The following TRIM48 variants were observed in gnomAD, a reference collection of about 807,000 sequenced individuals.
TRIM48 encodes the protein E3 ubiquitin-protein ligase TRIM48.
In TRIM48, 31 loss-of-function variants were observed where a neutral mutation model predicts 29.5. The ratio of observed to expected loss-of-function variants is 1.05; its 90% CI spans 0.79 to 1.42. The LOEUF is 1.42. Among genes scored for constraint, TRIM48 ranks in the 40% most tolerant of loss-of-function variants. The pLI is 0.00. For missense variants in TRIM48, 344 were observed against 265.0 expected, an observed-to-expected ratio of 1.30 and a Z score of -2.07; for synonymous variants, 128 against 90.6, an observed-to-expected ratio of 1.41 and a Z score of -2.34.
chr11:55,270,200 T>A (rs1177156120), intron 5 of TRIM48, among the ~76,000 whole-genome samples: 1 of 148,276 alleles, frequency 6.7e-6, no homozygotes, highest in Non-Finnish European at 1.5e-5. Context: ...TACATTTGGC[T>A]GTCAGTATGT....
At position 55,270,424 on chromosome 11, in the gene TRIM48, A is replaced by C; in HGVS notation, c.*2-13A>C. 2 of 1,419,612 alleles carry C rather than the reference A, an allele frequency of 1.4e-6. No individual in the cohort carries two copies. The highest frequency in any genetic ancestry group is 1.9e-6 in the Non-Finnish European group (2 of 1,053,014). The allele number at this position is 1,419,612 out of a possible 1,614,324, so 87.9% of individuals were successfully genotyped here. On this transcript the variant is annotated splice_polypyrimidine_tract_variant and intron_variant, in intron 5 of 5. Coordinates refer to ENST00000417545, the MANE Select transcript of TRIM48 (RefSeq NM_024114.5). ...TTTCTTTCTTTCTATTTATTTATTT[A>C]TTTATTTTGCAGTGGATATTACTCT...
chr11:55,263,887 A>G (rs1857345024), intron 1 of TRIM48, among the ~76,000 whole-genome samples: 2 of 152,170 alleles, frequency 1.3e-5, no homozygotes, highest in South Asian at 4.1e-4. Flanking sequence ...CAGGAGAAAG[A>G]AAGAGGAAAT....
At chr11:55,270,235 C>A (rs1857460557) in intron 5 of TRIM48, among the ~76,000 whole-genome samples, 1 of 147,846 alleles carries the variant, frequency 6.8e-6, no homozygotes, top group Non-Finnish European at 1.5e-5. Flanking sequence ...TTTTTAATAT[C>A]TGTGGTTAGC....
chr11:55,265,797 CAAAA>C (rs34036307), intron 3 of TRIM48, 102 bp downstream of exon 3: 8,406 of 836,316 alleles, frequency 0.01, 1 homozygote, highest in South Asian at 0.015. Flanking sequence ...TTCTGGGAGT[CAAAA>C]AAAAAAAAAA....
Position 55,265,372 on chromosome 11 carries a change from C to A in TRIM48, c.459+58C>A, listed in dbSNP as rs745855548. The A allele has an allele frequency of 1.9e-6, 3 of 1,574,616 alleles. 1 individual carries two copies. Among genetic ancestry groups the A allele is most frequent in the East Asian group, 4.9e-5 (2 of 40,798 alleles). On this transcript the variant is annotated intron_variant, in intron 2 of 5. Transcript: ENST00000417545. ...AAGGACACATGAAATTCCTGTGGCC[C>A]TATTTTCTTGGAGATTGGGTAAAGC...
chr11:55,270,450 G>T lies in TRIM48; in HGVS notation c.*15G>T. On this transcript the variant is annotated 3_prime_UTR_variant, in exon 6 of 6. Transcript: ENST00000417545. Reference sequence around the variant, plus strand: ...TTTATTTTGCAGTGGATATTACTCTGCATCACAATGAAGCCAACAGTCATA... The same window carrying T: ...TTTATTTTGCAGTGGATATTACTCTTCATCACAATGAAGCCAACAGTCATA... The T allele has an allele frequency of 6.7e-7, 1 of 1,502,142 alleles. No homozygotes were observed. Among genetic ancestry groups the T allele is most frequent in the Non-Finnish European group, 9.1e-7 (1 of 1,103,786 alleles). The allele number at this position is 1,502,142 out of a possible 1,614,324, so 93.1% of individuals were successfully genotyped here.
chr11:55,268,521 C>A, intron 4 of TRIM48, 149 bp downstream of exon 4: 3 of 718,072 alleles, frequency 4.2e-6, no homozygotes, highest in Non-Finnish European at 4.4e-6. Context: ...AAAGACAAGA[C>A]CACTAAGTAA....
At chr11:55,267,712 A>T in intron 3 of TRIM48, 1 of 1,527,340 alleles carries the variant, frequency 6.5e-7, no homozygotes, top group Non-Finnish European at 8.8e-7. Context: ...GCTGAAATCC[A>T]TCTCCCTACC....
intron 1 of TRIM48, among the ~76,000 whole-genome samples, chr11:55,263,767 G>C (rs927122762): frequency 6.6e-6 from 1 of 152,202 alleles, no homozygotes; most frequent in Non-Finnish European, 1.5e-5. Context: ...AAATTCGTTT[G>C]CTTGATTATG....
chr11:55,268,600 AT>A (rs1857428997), intron 4 of TRIM48, among the ~76,000 whole-genome samples: 1 of 147,898 alleles, frequency 6.8e-6, no homozygotes, highest in Admixed American at 6.9e-5. Context: ...ACTTTGTTTT[AT>A]TGCTTAAAAG....
At position 55,264,509 on chromosome 11, in the gene TRIM48, G is replaced by A. The variant is rs115918968; in HGVS notation, c.45-391G>A. On this transcript the variant is annotated intron_variant, in intron 1 of 5. Coordinates refer to ENST00000417545, the MANE Select transcript of TRIM48 (RefSeq NM_024114.5). Reference sequence around the variant, plus strand: ...CTAGCCATCTTCTCGTATTTCTTTGGCCAAGACAGTTTTTCCCACTCTTTC... The same window carrying A: ...CTAGCCATCTTCTCGTATTTCTTTGACCAAGACAGTTTTTCCCACTCTTTC... Among the ~76,000 whole-genome samples, 181 of 147,634 alleles carry A rather than the reference G, an allele frequency of 1.2e-3. 10 individuals carry two copies. Among genetic ancestry groups the A allele is most frequent in the Non-Finnish European group, 1.8e-3 (123 of 66,874 alleles).
chr11:55,268,058 G>T (rs1857419902), intron 3 of TRIM48, among the ~76,000 whole-genome samples: 1 of 147,718 alleles, frequency 6.8e-6, no homozygotes, highest in Non-Finnish European at 1.5e-5. Flanking sequence ...TAGGTTCTGG[G>T]AAAGATGACC....
Position 55,262,185 on chromosome 11 carries a change from A to G in TRIM48, c.-83A>G, listed in dbSNP as rs1194490179. ...TCTCCAAAGGAGAAGGAGTGCACTT[A>G]GAGGGAGCTGTGTTTTGGTGACCTC... On this transcript the variant is annotated 5_prime_UTR_variant, in exon 1 of 6. Transcript: ENST00000417545. 2.3e-5 allele frequency: 24 copies of G among 1,065,786 alleles called. No homozygotes were observed. In the East Asian group the frequency reaches 5.4e-4, roughly 24 times the overall value. The allele number at this position is 1,065,786 out of a possible 1,614,324, so 66.0% of individuals were successfully genotyped here.
Position 55,269,135 on chromosome 11 carries a change from A to G in TRIM48, c.579-107A>G, listed in dbSNP as rs1332450519. The G allele has an allele frequency of 4.2e-6, 6 of 1,425,044 alleles. 1 individual carries two copies. The Admixed American group carries it at 6.6e-5, about 16-fold the overall frequency. 88.3% of individuals were successfully genotyped at this position (1,425,044 alleles called of 1,614,324 possible). A position where few individuals can be genotyped will look rare whatever the true frequency, so the allele number is the denominator to read the frequency against. On this transcript the variant is annotated intron_variant, in intron 4 of 5. Transcript: ENST00000417545. ...AGGAAGGAATAATTTTTGAATTATC[A>G]AATTTGTGGGTTCAAAGGATTCTCA...
At chr11:55,266,711 G>T (rs1216596618) in intron 3 of TRIM48, among the ~76,000 whole-genome samples, 2 of 147,484 alleles carry the variant, frequency 1.4e-5, no homozygotes, top group African/African-American at 2.5e-5. Context: ...AGAGGAAGGG[G>T]AGCACAAAAG....
rs1209665744 is a variant in TRIM48, at chr11:55,262,294, C to T, written c.27C>T (p.Thr9=). 2.6e-6 allele frequency: 4 copies of T among 1,548,312 alleles called. No individual in the cohort carries two copies. The African/African-American group carries it at 4.1e-5, about 16-fold the overall frequency. The change falls in exon 1 of 6, where the codon ACC becomes ACT. Residue 9 remains threonine, a synonymous_variant. Coordinates refer to ENST00000417545, the MANE Select transcript of TRIM48 (RefSeq NM_024114.5). MSRRIIVG[T]LQRTQRNMNS... ...TGTCTCGAAGAATCATTGTGGGAAC[C>T]CTTCAAAGAACCCAGCGGTGAGTGA...
At chr11:55,267,881 A>G (rs61894890) in intron 3 of TRIM48, among the ~76,000 whole-genome samples, 6,849 of 148,002 alleles carry the variant, frequency 0.046, 783 homozygotes, top group Non-Finnish European at 0.07. Context: ...AACAGCCCCA[A>G]TAACTATTCC....
chr11:55,267,417 A>C (rs1857410089), intron 3 of TRIM48: 1 of 1,577,184 alleles, frequency 6.3e-7, no homozygotes, highest in Non-Finnish European at 8.6e-7. Context: ...TATTATGTGA[A>C]TGTAAGGCTA....
chr11:55,267,389 A>C, intron 3 of TRIM48: 5 of 1,569,264 alleles, frequency 3.2e-6, no homozygotes, highest in Non-Finnish European at 3.5e-6. Flanking sequence ...TCTTTTGACT[A>C]ACCCATTATT....
Sources: allele counts gnomAD v4.1 joint callset (sites outside exome capture counted in the v4.1 genomes callset), GRCh38; gene constraint gnomAD v4.1.1; transcripts MANE v1.5; gene names NCBI Gene and HGNC (gene_info 2026-07-23, HGNC 2026-07-21).